Variants in HSPA4 observed in about 807,000 individuals in gnomAD.
HSPA4 encodes the protein heat shock protein family A (Hsp70) member 4, also known as heat shock 70 kDa protein 4.
In HSPA4, 25 loss-of-function variants were observed where a neutral mutation model predicts 106.2. That is an observed-to-expected ratio of 0.24 (90% confidence interval 0.17 to 0.33). The LOEUF is 0.33. HSPA4 is among the 10% of genes least tolerant of loss of function. HSPA4 has a pLI of 1.00. For synonymous variants in HSPA4, 332 were observed against 333.6 expected (o/e 1.00, Z 0.05); for missense variants, 841 against 996.0 (o/e 0.84, Z 2.10).
rs1012236936 is a variant in HSPA4, at chr5:133,088,067, C to T, written c.986-337C>T. Among the ~76,000 whole-genome samples, 4 of 152,094 alleles carry T rather than the reference C, an allele frequency of 2.6e-5. No homozygotes were observed. The South Asian group carries it at 8.3e-4, about 32-fold the overall frequency. ...GCCCTCTTATTTTCCTGATGGCTAGCGTGTTTGAATGTTTGGTCTGTTGAT... is the reference window on the plus strand; with the variant it reads ...GCCCTCTTATTTTCCTGATGGCTAGTGTGTTTGAATGTTTGGTCTGTTGAT... On this transcript the variant is annotated intron_variant, in intron 8 of 18. Coordinates refer to ENST00000304858, the MANE Select transcript of HSPA4 (RefSeq NM_002154.4).
intron 7 of HSPA4, among the ~76,000 whole-genome samples, chr5:133,085,316 C>T (rs1765563936): frequency 6.6e-6 from 1 of 151,636 alleles, no homozygotes; most frequent in African/African-American, 2.4e-5. Flanking sequence ...GAAAAATCTG[C>T]ATACTGTAGG....
rs200314501 is a variant in HSPA4 at position 133,099,576 on chromosome 5, A to G, written c.1961A>G (p.Asp654Gly). The G allele has an allele frequency of 5.1e-5, 82 of 1,600,634 alleles. No homozygotes were observed. The highest frequency in any genetic ancestry group is 6.7e-5 in the Non-Finnish European group (78 of 1,168,902). ...AACAGTTTTACTTTGAAACTGGAAGATACTGAAAATTGGTTGTATGAGGAT... is the reference window on the plus strand; with the variant it reads ...AACAGTTTTACTTTGAAACTGGAAGGTACTGAAAATTGGTTGTATGAGGAT... Reference protein sequence around the residue: ...DRNSFTLKLEDTENWLYEDGE... With the variant: ...DRNSFTLKLEGTENWLYEDGE... Residue 654 changes from aspartate to glycine, a missense_variant, in exon 16 of 19, where the codon GAT becomes GGT. This residue lies in a region of HSPA4 where 328 missense variants were observed against 372.2 expected (regional missense o/e 0.88). Coordinates refer to ENST00000304858, the MANE Select transcript of HSPA4 (RefSeq NM_002154.4).
Position 133,104,481 on chromosome 5 carries a change from A to C in HSPA4, c.*45A>C. The C allele has an allele frequency of 6.5e-7, 1 of 1,538,696 alleles. No individual in the cohort carries two copies. The highest frequency in any genetic ancestry group is 8.9e-7 in the Non-Finnish European group (1 of 1,118,946). ...TAAAACAGACTATTATAAAGCTTTA[A>C]GTTGTCAACTTTGTTCTAAATATCA... On this transcript the variant is annotated 3_prime_UTR_variant, in exon 19 of 19. Transcript: ENST00000304858.
In HSPA4 at chr5:133,065,055, T is replaced by C. The variant is rs1765290805; in HGVS notation, c.165+18T>C. The C allele has an allele frequency of 1.2e-6, 2 of 1,606,050 alleles. No homozygotes were observed. Among genetic ancestry groups the C allele is most frequent in the Admixed American group, 1.7e-5 (1 of 59,912 alleles). ...AAAGCCAGGTAAAGTTTCATTTTTT[T>C]CCTAAAATGACTTATTTCTCCTCTT... On this transcript the variant is annotated intron_variant, in intron 2 of 18. Coordinates refer to ENST00000304858, the MANE Select transcript of HSPA4 (RefSeq NM_002154.4).
intron 15 of HSPA4, among the ~76,000 whole-genome samples, chr5:133,097,617 C>T (rs1434948227): frequency 2.7e-5 from 4 of 146,206 alleles, no homozygotes; most frequent in African/African-American, 5.1e-5. Context: ...GGCGTGATCT[C>T]GGCTCACTGC....
intron 7 of HSPA4, among the ~76,000 whole-genome samples, chr5:133,081,016 A>G (rs1765507984): frequency 6.6e-6 from 1 of 152,032 alleles, no homozygotes. Context: ...ACCCTAGGCA[A>G]TTACCAATAT....
At position 133,097,570 on chromosome 5, in the gene HSPA4, CAG is replaced by C. The variant is rs1243569224; in HGVS notation, c.1929+287_1929+288del. ...TTTTCTTTTTTTTTTTTTTTTGAGA[CAG>C]AGTTTTGCTCTTGTTGCTCAGGCTG... On this transcript the variant is annotated intron_variant, in intron 15 of 18. Transcript: ENST00000304858. Among the ~76,000 whole-genome samples, 14 of 130,878 alleles carry C rather than the reference CAG, an allele frequency of 1.1e-4. No individual in the cohort carries two copies. The South Asian group carries it at 2.7e-3, about 26-fold the overall frequency. 85.9% of individuals were successfully genotyped at this position (130,878 alleles called of 152,430 possible).
chr5:133,091,285 A>C lies in HSPA4; in HGVS notation c.1471A>C (p.Ser491Arg). 6.2e-7 allele frequency: 1 copy of C among 1,613,822 alleles called. No homozygotes were observed. The highest frequency in any genetic ancestry group is 1.1e-5 in the South Asian group (1 of 91,076). The change falls in exon 12 of 19, where the codon AGT (serine) becomes CGT (arginine). Residue 491 changes from serine to arginine, a missense_variant. Physicochemically the swap from Ser to Arg is moderately radical, Grantham distance 110. Around this residue, in one of 5 missense-constraint regions of HSPA4, gnomAD observed 162 missense variants for 177.7 expected, o/e 0.91. Coordinates refer to ENST00000304858, the MANE Select transcript of HSPA4 (RefSeq NM_002154.4). ...TCGAGTAAATGTCCATGGCATTTTC[A>C]GTGTGTCCAGTGCATCTTTAGTGGA... is the stretch of plus-strand genomic sequence containing the variant. The part of the protein sequence containing the change: ...KVRVNVHGIF[S>R]VSSASLVEVH...
At chr5:133,062,031 T>C (rs1234930170) in intron 1 of HSPA4, among the ~76,000 whole-genome samples, 1 of 152,194 alleles carries the variant, frequency 6.6e-6, no homozygotes, top group Non-Finnish European at 1.5e-5. Context: ...ACTAAGCATT[T>C]CAGACGTCAA....
intron 17 of HSPA4, 101 bp from the exon 18 acceptor site, chr5:133,103,764 A>G (rs1765819505): frequency 2.1e-6 from 2 of 939,198 alleles, no homozygotes; most frequent in Non-Finnish European, 1.6e-6. Context: ...TTATTTTTTG[A>G]AAGATTATAA....
chr5:133,086,567 C>G (rs73270391), intron 7 of HSPA4, among the ~76,000 whole-genome samples: 3,449 of 152,274 alleles, frequency 0.023, 129 homozygotes, highest in African/African-American at 0.075. Flanking sequence ...GAATCATATG[C>G]TAACTCTCTA....
At chr5:133,089,726 A>G (rs764634404) in intron 11 of HSPA4, 31 bp downstream of exon 11, 194 of 1,464,186 alleles carry the variant, frequency 1.3e-4, no homozygotes, top group Non-Finnish European at 1.7e-4. Flanking sequence ...TAAAAAAGAA[A>G]AAAAAAAAAA....
chr5:133,060,111 G>A (rs56160229), intron 1 of HSPA4, among the ~76,000 whole-genome samples: 3,129 of 149,284 alleles, frequency 0.021, 102 homozygotes, highest in African/African-American at 0.073. Context: ...GATTACATAG[G>A]AGTATTTACC....
rs751220509 is a variant in HSPA4, at chr5:133,103,909, A to G, written c.2202A>G (p.Val734=). The G allele has an allele frequency of 6.7e-5, 108 of 1,614,012 alleles. No homozygotes were observed. The highest frequency in any genetic ancestry group is 9.1e-5 in the Non-Finnish European group (107 of 1,179,982). Reference sequence around the variant, plus strand: ...TGGATGCTGCTGACATGACAAAGGTAGAAAAAAGCACAAATGAAGCAATGG... The same window carrying G: ...TGGATGCTGCTGACATGACAAAGGTGGAAAAAAGCACAAATGAAGCAATGG... ...DHLDAADMTK[V]EKSTNEAMEW... The change falls in exon 18 of 19, where the codon GTA becomes GTG. Residue 734 remains valine, a synonymous_variant. Coordinates refer to ENST00000304858, the MANE Select transcript of HSPA4 (RefSeq NM_002154.4).
chr5:133,094,084 T>TC (rs1765682383), intron 13 of HSPA4, among the ~76,000 whole-genome samples: 1 of 152,202 alleles, frequency 6.6e-6, no homozygotes, highest in South Asian at 2.1e-4. Flanking sequence ...AGAGCAAGAC[T>TC]CCATCTTAAA....
chr5:133,062,418 G>A (rs886694377), intron 1 of HSPA4, among the ~76,000 whole-genome samples: 2 of 152,134 alleles, frequency 1.3e-5, no homozygotes, highest in Admixed American at 6.5e-5. Flanking sequence ...TAGATCTGGT[G>A]GTATTTAGAA....
Position 133,092,851 on chromosome 5 carries a change from C to T in HSPA4, c.1650+62C>T, listed in dbSNP as rs1765665911. 6 of 860,606 alleles carry T rather than the reference C, an allele frequency of 7.0e-6. No individual in the cohort carries two copies. The Admixed American group carries it at 2.1e-4, about 31-fold the overall frequency. The allele number at this position is 860,606 out of a possible 1,614,324, so 53.3% of individuals were successfully genotyped here. ...TTTTTTTTTTTTTGAGACAGAGTTT[C>T]AGTCTGTTGCCCAGGCTGGAGTGCA... On this transcript the variant is annotated intron_variant, in intron 13 of 18. Coordinates refer to ENST00000304858, the MANE Select transcript of HSPA4 (RefSeq NM_002154.4).
At chr5:133,072,394 T>A (rs936016101) in intron 4 of HSPA4, among the ~76,000 whole-genome samples, 3 of 111,812 alleles carry the variant, frequency 2.7e-5, no homozygotes, top group East Asian at 4.0e-4. Flanking sequence ...CCAGGGTTGT[T>A]TTTTTTTTTT....
intron 6 of HSPA4, 79 bp downstream of exon 6, chr5:133,074,205 A>T: frequency 1.1e-6 from 1 of 911,604 alleles, no homozygotes; most frequent in African/African-American, 1.7e-5. Context: ...ATTTTTTCTC[A>T]TCTACAATAT....
Sources: gnomAD v4.1 joint callset for allele counts (sites outside exome capture counted in the v4.1 genomes callset) on GRCh38, gnomAD v4.1.1 for gene constraint, gnomAD v4.1.1 regional missense constraint, MANE v1.5 for transcripts, NCBI Gene and HGNC (gene_info 2026-07-23, HGNC 2026-07-21) for gene names.